The following LRRTM3 variants were observed in gnomAD, a reference collection of about 807,000 sequenced individuals.
The protein encoded by LRRTM3 is leucine rich repeat transmembrane neuronal 3.
A neutral mutation model predicts 44.7 loss-of-function variants in LRRTM3; 24 were observed. That is an observed-to-expected ratio of 0.54 (90% CI 0.39 to 0.76). LRRTM3 has a LOEUF of 0.76. Ranked by LOEUF, LRRTM3 falls within the 30% of genes least tolerant of loss-of-function variation. The pLI is 0.00. For synonymous variants in LRRTM3, 277 were observed against 278.7 expected (o/e 0.99, Z 0.06); for missense variants, 587 against 702.2 (o/e 0.84, Z 1.85).
At chr10:67,011,723 A>G (rs1234758189) in intron 2 of LRRTM3, among the ~76,000 whole-genome samples, 1 of 152,204 alleles carries the variant, frequency 6.6e-6, no homozygotes, top group Non-Finnish European at 1.5e-5. Context: ...TAAGCACTTT[A>G]TATGTATGAA....
intron 2 of LRRTM3, 85 bp downstream of exon 2, chr10:66,928,537 G>A: frequency 7.8e-7 from 1 of 1,274,788 alleles, no homozygotes; most frequent in Admixed American, 2.5e-5. Flanking sequence ...TCAAGGGAAC[G>A]CGATGCCCCC....
chr10:66,996,861 T>C (rs867361035), intron 2 of LRRTM3, among the ~76,000 whole-genome samples: 4 of 152,214 alleles, frequency 2.6e-5, no homozygotes, highest in South Asian at 4.1e-4. Context: ...CCATGTGAAC[T>C]AACATCTGTA....
chr10:67,073,261 C>G (rs1856562271), intron 2 of LRRTM3, among the ~76,000 whole-genome samples: 1 of 152,148 alleles, frequency 6.6e-6, no homozygotes, highest in Non-Finnish European at 1.5e-5. Flanking sequence ...TTTAATAGCT[C>G]TGATTAGTTT....
intron 2 of LRRTM3, among the ~76,000 whole-genome samples, chr10:66,952,084 C>G (rs888700389): frequency 6.6e-6 from 1 of 152,150 alleles, no homozygotes; most frequent in Non-Finnish European, 1.5e-5. Flanking sequence ...TATTTTCCAG[C>G]ATGCTGGGTC....
chr10:67,098,734 CTT>C lies in LRRTM3; in HGVS notation c.*941_*942del, dbSNP rs1262416431. The C allele has an allele frequency of 2.6e-5, 4 of 152,196 alleles. No homozygotes were observed. Among genetic ancestry groups the C allele is most frequent in the Admixed American group, 2.0e-4 (3 of 15,190 alleles). The allele number at this position is 152,196 out of a possible 1,614,324, so 9.4% of individuals were successfully genotyped here. A position where few individuals can be genotyped will look rare whatever the true frequency, so the allele number is the denominator to read the frequency against. The stretch of plus-strand genomic sequence containing the variant: ...TGCAGCTGCCAGTGACAAATAAAAA[CTT>C]TTGTTACATCTCATTATTTTCAGGC... On this transcript the variant is annotated 3_prime_UTR_variant, in exon 3 of 3. Coordinates refer to ENST00000361320, the MANE Select transcript of LRRTM3 (RefSeq NM_178011.5).
At chr10:66,997,181 T>A (rs1851402223) in intron 2 of LRRTM3, among the ~76,000 whole-genome samples, 1 of 152,162 alleles carries the variant, frequency 6.6e-6, no homozygotes. Flanking sequence ...CAACCCTTTG[T>A]ATTATTTCAG....
At chr10:67,094,548 T>C (rs1473601518) in intron 2 of LRRTM3, among the ~76,000 whole-genome samples, 2 of 151,694 alleles carry the variant, frequency 1.3e-5, no homozygotes, top group Non-Finnish European at 2.9e-5. Flanking sequence ...GATATTTAGG[T>C]TCTTCATATT....
chr10:66,965,411 T>C (rs1849349578), intron 2 of LRRTM3, among the ~76,000 whole-genome samples: 1 of 151,784 alleles, frequency 6.6e-6, no homozygotes, highest in Non-Finnish European at 1.5e-5. Context: ...GGCAGGTGCC[T>C]ATAGTCCCAG....
intron 2 of LRRTM3, among the ~76,000 whole-genome samples, chr10:66,983,257 C>G (rs900811951): frequency 6.6e-6 from 1 of 152,130 alleles, no homozygotes; most frequent in African/African-American, 2.4e-5. Flanking sequence ...TCCTAGCCCC[C>G]TCCCAGCCAT....
intron 2 of LRRTM3, among the ~76,000 whole-genome samples, chr10:67,025,621 T>G (rs1249600298): frequency 6.6e-6 from 1 of 152,182 alleles, no homozygotes; most frequent in African/African-American, 2.4e-5. Context: ...AGGAAGAATA[T>G]TTTTAAAATC....
At chr10:66,996,717 G>A (rs576181544) in intron 2 of LRRTM3, among the ~76,000 whole-genome samples, 6 of 144,896 alleles carry the variant, frequency 4.1e-5, no homozygotes, top group Non-Finnish European at 6.0e-5. Context: ...GTTAATTAGC[G>A]CCTATGCAGT....
Position 67,029,770 on chromosome 10 carries a change from G to C in LRRTM3, c.1537-67817G>C, listed in dbSNP as rs540042668. On this transcript the variant is annotated intron_variant, in intron 2 of 2. Transcript: ENST00000361320. ...ATATCAAAAACCAATCAATACCTGT[G>C]ATGTCCAATAGGGTAGCCACTAACC... Among the ~76,000 whole-genome samples, 791 of 152,212 alleles carry C rather than the reference G, an allele frequency of 5.2e-3. 5 individuals carry two copies. Among genetic ancestry groups the C allele is most frequent in the Middle Eastern group, 0.01 (3 of 294 alleles).
intron 2 of LRRTM3, among the ~76,000 whole-genome samples, chr10:67,009,459 T>C (rs577804313): frequency 6.6e-6 from 1 of 152,282 alleles, no homozygotes; most frequent in South Asian, 2.1e-4. Context: ...CTGATATACA[T>C]AACCTCTTTC....
Position 66,987,797 on chromosome 10 carries a change from T to C in LRRTM3, c.1536+59345T>C, listed in dbSNP as rs559548400. Reference sequence around the variant, plus strand: ...CTCATGATAACTAAATTTGGATAAATTTTGCAAAGATGGATTTTGATCCAG... The same window carrying C: ...CTCATGATAACTAAATTTGGATAAACTTTGCAAAGATGGATTTTGATCCAG... On this transcript the variant is annotated intron_variant, in intron 2 of 2. Transcript: ENST00000361320. 1.2e-4 allele frequency among the ~76,000 whole-genome samples: 19 copies of C among 152,310 alleles called. No homozygotes were observed. The South Asian group carries it at 3.7e-3, about 30-fold the overall frequency.
intron 2 of LRRTM3, among the ~76,000 whole-genome samples, chr10:66,968,167 C>G (rs1190182187): frequency 2.6e-5 from 4 of 151,950 alleles, no homozygotes; most frequent in African/African-American, 7.3e-5. Context: ...TAGAATTACT[C>G]AAGAGCAAAA....
intron 2 of LRRTM3, among the ~76,000 whole-genome samples, chr10:66,936,901 T>C (rs781779599): frequency 1.3e-5 from 2 of 152,078 alleles, no homozygotes; most frequent in Non-Finnish European, 1.5e-5. Flanking sequence ...AAGAAAGTTA[T>C]ATATTAAGAG....
rs369307189 is a variant in LRRTM3 at position 67,019,470 on chromosome 10, G to A, written c.1537-78117G>A. ...CGACCTCAGGTGATCCCCCTGCCTC[G>A]GCCTCCCAAAGTGCTAGGATTACAG... On this transcript the variant is annotated intron_variant, in intron 2 of 2. Transcript: ENST00000361320. Among the ~76,000 whole-genome samples the A allele has an allele frequency of 3.3e-5, 5 of 152,152 alleles. No homozygotes were observed. In the East Asian group the frequency reaches 7.7e-4, roughly 24 times the overall value.
At chr10:67,027,816 C>T (rs139398872) in intron 2 of LRRTM3, among the ~76,000 whole-genome samples, 2 of 152,156 alleles carry the variant, frequency 1.3e-5, no homozygotes, top group African/African-American at 2.4e-5. Flanking sequence ...AGAGTATATT[C>T]GTTTTTTCCT....
intron 2 of LRRTM3, among the ~76,000 whole-genome samples, chr10:67,041,896 G>A (rs1223019735): frequency 6.6e-6 from 1 of 152,066 alleles, no homozygotes; most frequent in African/African-American, 2.4e-5. Context: ...TGTGGGATTG[G>A]GATCACATTC....
Sources: gnomAD v4.1 joint callset for allele counts (sites outside exome capture counted in the v4.1 genomes callset) on GRCh38, gnomAD v4.1.1 for gene constraint, MANE v1.5 for transcripts, NCBI Gene and HGNC (gene_info 2026-07-23, HGNC 2026-07-21) for gene names.